The following GULP1 variants were observed in gnomAD, a reference collection of about 807,000 sequenced individuals.
GULP1 encodes the protein PTB domain-containing engulfment adapter protein 1.
GULP1 carries 19 observed loss-of-function variants against 40.9 expected under a neutral mutation model. That is an observed-to-expected ratio of 0.46 (90% confidence interval 0.32 to 0.68). The LOEUF (loss-of-function observed/expected upper bound fraction) is 0.68. Among genes scored for constraint, GULP1 ranks in the 30% least tolerant of loss-of-function variants. The pLI, the probability that GULP1 is intolerant of heterozygous loss-of-function variation, is 0.03. For missense variants in GULP1, 312 were observed against 362.2 expected (o/e 0.86, Z 1.12); for synonymous variants, 119 against 117.6 (o/e 1.01, Z -0.08).
In GULP1 at chr2:188,391,774, G is replaced by T. The variant is rs186049692; in HGVS notation, c.-45+7885G>T. 3.7e-3 allele frequency among the ~76,000 whole-genome samples: 555 copies of T among 151,976 alleles called. 11 individuals are homozygous for T. The highest frequency in any genetic ancestry group is 6.8e-4 in the Non-Finnish European group (46 of 67,894). On this transcript the variant is annotated intron_variant, in intron 2 of 11. Coordinates refer to ENST00000409830, the MANE Select transcript of GULP1 (RefSeq NM_016315.4). Reference sequence around the variant, plus strand: ...GTTATATGGCTTTTATTATTTTGAGGTATGTACCTTCTATGCCTAGTTTTT... The same window carrying T: ...GTTATATGGCTTTTATTATTTTGAGTTATGTACCTTCTATGCCTAGTTTTT...
intron 2 of GULP1, among the ~76,000 whole-genome samples, chr2:188,397,418 A>G (rs1469337599): frequency 6.6e-6 from 1 of 152,160 alleles, no homozygotes; most frequent in Non-Finnish European, 1.5e-5. Context: ...GGGCTTGTCT[A>G]CTATACCCTG....
intron 2 of GULP1, among the ~76,000 whole-genome samples, chr2:188,441,604 C>A (rs2057940805): frequency 6.6e-6 from 1 of 152,082 alleles, no homozygotes; most frequent in Admixed American, 6.5e-5. Flanking sequence ...AGTGAATCTT[C>A]CAGAGAGATA....
At chr2:188,525,274 C>T (rs972374403) in intron 5 of GULP1, among the ~76,000 whole-genome samples, 1 of 151,940 alleles carries the variant, frequency 6.6e-6, no homozygotes, top group African/African-American at 2.4e-5. Flanking sequence ...ACCTGTAATC[C>T]CAGCTACTTG....
At chr2:188,569,982 A>C in intron 8 of GULP1, 46 bp from the exon 9 acceptor site, 1 of 777,276 alleles carries the variant, frequency 1.3e-6, no homozygotes. Context: ...AATATTTTCC[A>C]AGAAAAAAAA....
At chr2:188,502,290 G>A (rs186046356) in intron 4 of GULP1, among the ~76,000 whole-genome samples, 1 of 151,930 alleles carries the variant, frequency 6.6e-6, no homozygotes, top group Non-Finnish European at 1.5e-5. Flanking sequence ...GGCTGGTGAA[G>A]CAATTCTTAA....
chr2:188,544,548 A>G (rs1163465761), intron 7 of GULP1, among the ~76,000 whole-genome samples: 1 of 151,664 alleles, frequency 6.6e-6, no homozygotes, highest in Non-Finnish European at 1.5e-5. Flanking sequence ...TATAATAATA[A>G]TAATAATACT....
chr2:188,561,160 G>A (rs552481437), intron 7 of GULP1, among the ~76,000 whole-genome samples: 13 of 152,306 alleles, frequency 8.5e-5, no homozygotes, highest in East Asian at 1.9e-4. Flanking sequence ...AGCCCCAGTC[G>A]TGGCAACAGT....
chr2:188,587,364 A>C (rs1263886702), intron 10 of GULP1, among the ~76,000 whole-genome samples: 1 of 152,072 alleles, frequency 6.6e-6, no homozygotes, highest in Admixed American at 6.6e-5. Flanking sequence ...TGTGCTTTAA[A>C]ATTTTCTCTG....
chr2:188,411,022 C>T (rs1268984083), intron 2 of GULP1, among the ~76,000 whole-genome samples: 1 of 152,148 alleles, frequency 6.6e-6, no homozygotes, highest in Non-Finnish European at 1.5e-5. Flanking sequence ...TAATTGCTCT[C>T]TACTTGGGAG....
chr2:188,552,285 AT>A (rs1576018024), intron 7 of GULP1, among the ~76,000 whole-genome samples: 1 of 151,564 alleles, frequency 6.6e-6, no homozygotes, highest in Admixed American at 6.6e-5. Flanking sequence ...TTCTTTTAAT[AT>A]TTTTACAGTT....
chr2:188,389,632 G>T (rs958092277), intron 2 of GULP1, among the ~76,000 whole-genome samples: 1 of 152,098 alleles, frequency 6.6e-6, no homozygotes, highest in Non-Finnish European at 1.5e-5. Context: ...AATTTCAGTA[G>T]GTCTTGGGGT....
chr2:188,585,026 G>A (rs1702083141), intron 10 of GULP1, among the ~76,000 whole-genome samples: 1 of 152,180 alleles, frequency 6.6e-6, no homozygotes, highest in African/African-American at 2.4e-5. Flanking sequence ...CAGGCATTGG[G>A]TGAACGTTTC....
chr2:188,583,872 C>T (rs1346074742), intron 9 of GULP1, among the ~76,000 whole-genome samples: 1 of 152,128 alleles, frequency 6.6e-6, no homozygotes, highest in African/African-American at 2.4e-5. Context: ...AAAATGTAAT[C>T]TTATGCAGCG....
At chr2:188,379,520 A>G (rs1432919121) in intron 1 of GULP1, among the ~76,000 whole-genome samples, 1 of 152,198 alleles carries the variant, frequency 6.6e-6, no homozygotes, top group Non-Finnish European at 1.5e-5. Context: ...AAATATACAC[A>G]CATTTCCAAG....
At chr2:188,451,247 T>C (rs2058813620) in intron 2 of GULP1, among the ~76,000 whole-genome samples, 1 of 152,222 alleles carries the variant, frequency 6.6e-6, no homozygotes, top group Non-Finnish European at 1.5e-5. Context: ...ATCAAAGACA[T>C]TCACAAATGT....
At chr2:188,344,862 A>C (rs1341683447) in intron 1 of GULP1, among the ~76,000 whole-genome samples, 1 of 152,254 alleles carries the variant, frequency 6.6e-6, no homozygotes, top group Non-Finnish European at 1.5e-5. Context: ...ATATATGTAC[A>C]TATACACACA....
intron 1 of GULP1, among the ~76,000 whole-genome samples, chr2:188,317,249 G>A (rs1441541876): frequency 1.3e-5 from 2 of 152,104 alleles, no homozygotes; most frequent in East Asian, 3.9e-4. Flanking sequence ...TTATATGTAT[G>A]CACAGATGTA....
At position 188,487,317 on chromosome 2, in the gene GULP1, A is replaced by G. The variant is rs139608570; in HGVS notation, c.90+3825A>G. ...GTATTTATCCTTTTATGAAAAATCT[A>G]TCTTTAAGATATACAAAAATGCAAG... On this transcript the variant is annotated intron_variant, in intron 4 of 11. Coordinates refer to ENST00000409830, the MANE Select transcript of GULP1 (RefSeq NM_016315.4). 1.3e-3 allele frequency among the ~76,000 whole-genome samples: 191 copies of G among 152,148 alleles called. No homozygotes were observed. In the Middle Eastern group the frequency reaches 0.024, roughly 19 times the overall value.
rs180890981 is a variant in GULP1, at chr2:188,466,064, A to G, written c.-44-11595A>G. 2.8e-4 allele frequency among the ~76,000 whole-genome samples: 42 copies of G among 151,550 alleles called. No individual in the cohort carries two copies. In the East Asian group the frequency reaches 3.9e-3, roughly 14 times the overall value. On this transcript the variant is annotated intron_variant, in intron 2 of 11. Transcript: ENST00000409830. ...GCCTTCTATTTTGCCATTTTGTTCT[A>G]CCCTTCTCCCCAGTCAGGCTATTTT...
Sources: gnomAD v4.1 joint callset for allele counts (sites outside exome capture counted in the v4.1 genomes callset) on GRCh38, gnomAD v4.1.1 for gene constraint, MANE v1.5 for transcripts, NCBI Gene and HGNC (gene_info 2026-07-23, HGNC 2026-07-21) for gene names.